The following CHSY1 variants were observed in gnomAD, a reference collection of about 807,000 sequenced individuals.
CHSY1 encodes the protein N-acetylgalactosaminyl-proteoglycan 3-beta-glucuronosyltransferase 1.
In CHSY1, 13 loss-of-function variants were observed where a neutral mutation model predicts 59.8. The observed-to-expected ratio is 0.22, with a 90% CI of 0.14 to 0.35. CHSY1 has a LOEUF of 0.35. Among genes scored for constraint, CHSY1 ranks in the 10% least tolerant of loss-of-function variants. The probability of loss-of-function intolerance (pLI) is 1.00; values close to 1 mark genes in which losing one functional copy is unlikely to be tolerated. For synonymous variants in CHSY1, 459 were observed against 401.2 expected, an observed-to-expected ratio of 1.14 and a Z score of -1.72; for missense variants, 947 against 1,030.6, an observed-to-expected ratio of 0.92 and a Z score of 1.11.
chr15:101,221,977 C>T (rs769258372), intron 2 of CHSY1, among the ~76,000 whole-genome samples: 11 of 151,956 alleles, frequency 7.2e-5, no homozygotes, highest in South Asian at 2.1e-4. Flanking sequence ...CAAGCCCGAG[C>T]GTTAAATTGC....
At chr15:101,212,634 G>A (rs539680159) in intron 2 of CHSY1, among the ~76,000 whole-genome samples, 2 of 152,298 alleles carry the variant, frequency 1.3e-5, no homozygotes, top group East Asian at 3.9e-4. Flanking sequence ...AGGACAGGAG[G>A]AACTTTCTGA....
rs559237965 is a variant in CHSY1, at chr15:101,234,966, A to C, written c.816+116T>G. On this transcript the variant is annotated intron_variant, in intron 2 of 2. Coordinates refer to ENST00000254190, the MANE Select transcript of CHSY1 (RefSeq NM_014918.5). ...AATCTAAGGCTAAAAATGTAGAATA[A>C]TACCAACTTCAACCCTCAAAGAGGA... is the stretch of plus-strand genomic sequence containing the variant. The C allele has an allele frequency of 1.6e-4, 223 of 1,359,780 alleles. No individual in the cohort carries two copies. In the South Asian group the frequency reaches 2.4e-3, roughly 15 times the overall value. 84.2% of individuals were successfully genotyped at this position (1,359,780 alleles called of 1,614,324 possible).
chr15:101,204,260 C>T (rs953355243), intron 2 of CHSY1, among the ~76,000 whole-genome samples: 4 of 151,946 alleles, frequency 2.6e-5, no homozygotes, highest in African/African-American at 4.8e-5. Flanking sequence ...ATGGCGAAAC[C>T]CCATCTCTAC....
chr15:101,241,487 A>G (rs983665706), intron 1 of CHSY1, among the ~76,000 whole-genome samples: 5 of 152,270 alleles, frequency 3.3e-5, no homozygotes, highest in African/African-American at 1.2e-4. Flanking sequence ...CTTTGAGGCT[A>G]ACAAGCAACC....
chr15:101,189,627 T>G, intron 2 of CHSY1: 2 of 209,936 alleles, frequency 9.5e-6, no homozygotes, highest in Non-Finnish European at 1.7e-5. Context: ...AAAAAAGAAA[T>G]ACAAGCCAAA....
chr15:101,209,479 G>A (rs571634227), intron 2 of CHSY1, among the ~76,000 whole-genome samples: 74 of 152,210 alleles, frequency 4.9e-4, no homozygotes, highest in African/African-American at 1.6e-3. Context: ...CCTGTATGCC[G>A]TGAAGCTTTT....
At chr15:101,203,261 C>T (rs1426535563) in intron 2 of CHSY1, among the ~76,000 whole-genome samples, 1 of 152,200 alleles carries the variant, frequency 6.6e-6, no homozygotes, top group Non-Finnish European at 1.5e-5. Flanking sequence ...TCCTGACAGG[C>T]ATGGACCTTC....
chr15:101,242,149 C>G, intron 1 of CHSY1, among the ~76,000 whole-genome samples: 1 of 151,460 alleles, frequency 6.6e-6, no homozygotes, highest in East Asian at 1.9e-4. Flanking sequence ...ACATTCTCCC[C>G]TGTTACAGAA....
Position 101,176,639 on chromosome 15 carries a change from C to T in CHSY1, c.*749G>A. The T allele has an allele frequency of 2.8e-6, 1 of 362,732 alleles. No homozygotes were observed. Among genetic ancestry groups the T allele is most frequent in the African/African-American group, 2.1e-5 (1 of 47,886 alleles). 22.5% of individuals were successfully genotyped at this position (362,732 alleles called of 1,614,324 possible). On this transcript the variant is annotated 3_prime_UTR_variant, in exon 3 of 3. Coordinates refer to ENST00000254190, the MANE Select transcript of CHSY1 (RefSeq NM_014918.5). The stretch of plus-strand genomic sequence containing the variant: ...TGAAACCCCGTCTCTACTAAAAATA[C>T]AAAAAAACTAGCTGGGCGTGGTGGT...
In CHSY1 at chr15:101,251,341, G is replaced by A. The variant is rs984895299; in HGVS notation, c.116C>T (p.Pro39Leu). 4.4e-6 allele frequency: 5 copies of A among 1,139,850 alleles called. 1 individual carries two copies. The highest frequency in any genetic ancestry group is 5.5e-6 in the Non-Finnish European group (5 of 914,758). The allele number at this position is 1,139,850 out of a possible 1,614,324, so 70.6% of individuals were successfully genotyped here. The change falls in exon 1 of 3, where the codon CCA becomes CTA. Residue 39 changes from proline (P) to leucine (L), a missense_variant. By Grantham distance (98) the Pro-to-Leu change is moderately conservative. Around this residue, in one of 4 missense-constraint regions of CHSY1, gnomAD observed 232 missense variants for 188.5 expected, o/e 1.23. Transcript: ENST00000254190. ...GCCCTCGGGGCTGGCGCGGCGCCGT[G>A]GGCCCGCTCGCTTCAGCTCGGAAGC... ...PRASELKRAG[P>L]RRRASPEGCR...
intron 1 of CHSY1, among the ~76,000 whole-genome samples, chr15:101,250,300 C>A (rs2039093838): frequency 6.6e-6 from 1 of 152,190 alleles, no homozygotes; most frequent in Non-Finnish European, 1.5e-5. Context: ...ATCCCTTTAT[C>A]GAGTCTACAA....
chr15:101,199,715 A>G (rs1177289195), intron 2 of CHSY1, among the ~76,000 whole-genome samples: 1 of 152,222 alleles, frequency 6.6e-6, no homozygotes, highest in Admixed American at 6.5e-5. Flanking sequence ...TTCAAGTTAG[A>G]TGAAAAACCT....
At chr15:101,217,997 A>C (rs779754629) in intron 2 of CHSY1, among the ~76,000 whole-genome samples, 1 of 152,240 alleles carries the variant, frequency 6.6e-6, no homozygotes, top group Non-Finnish European at 1.5e-5. Context: ...GACGGTACGT[A>C]CCCTTGATAT....
intron 2 of CHSY1, 92 bp downstream of exon 2, chr15:101,234,990 G>A: frequency 6.7e-7 from 1 of 1,503,416 alleles, no homozygotes. Flanking sequence ...CCTCAAAGAG[G>A]ATATCATCTC....
intron 2 of CHSY1, among the ~76,000 whole-genome samples, chr15:101,185,812 G>C (rs1438707271): frequency 1.3e-5 from 2 of 150,466 alleles, no homozygotes; most frequent in East Asian, 3.9e-4. Flanking sequence ...TATTTAAGAG[G>C]CATGCTGTGG....
chr15:101,197,724 C>T lies in CHSY1; in HGVS notation c.817-18744G>A, dbSNP rs138124548. The stretch of plus-strand genomic sequence containing the variant: ...AACCAAAACTACAAATACAGGTGAC[C>T]GATTCCTAAGAAGCCAGGATTCTTA... On this transcript the variant is annotated intron_variant, in intron 2 of 2. Coordinates refer to ENST00000254190, the MANE Select transcript of CHSY1 (RefSeq NM_014918.5). 2.9e-3 allele frequency among the ~76,000 whole-genome samples: 438 copies of T among 152,098 alleles called. 9 individuals carry two copies. The highest frequency in any genetic ancestry group is 9.7e-4 in the East Asian group (5 of 5,178).
chr15:101,249,985 TCA>T (rs2039090535), intron 1 of CHSY1, among the ~76,000 whole-genome samples: 1 of 152,196 alleles, frequency 6.6e-6, no homozygotes, highest in Admixed American at 6.5e-5. Context: ...ACCTTCTTTC[TCA>T]GTCCTTTACT....
At chr15:101,187,797 T>A (rs532548390) in intron 2 of CHSY1, 1 of 152,994 alleles carries the variant, frequency 6.5e-6, no homozygotes, top group Non-Finnish European at 1.5e-5. Flanking sequence ...CCCTTAATCT[T>A]TGTTATAAAA....
intron 2 of CHSY1, among the ~76,000 whole-genome samples, chr15:101,215,609 C>T (rs1435151049): frequency 1.3e-5 from 2 of 152,204 alleles, no homozygotes; most frequent in Non-Finnish European, 2.9e-5. Context: ...GTAGTGCATG[C>T]CTGTAGTCCC....
Sources: gnomAD v4.1 joint callset for allele counts (sites outside exome capture counted in the v4.1 genomes callset) on GRCh38, gnomAD v4.1.1 for gene constraint, gnomAD v4.1.1 regional missense constraint, MANE v1.5 for transcripts, NCBI Gene and HGNC (gene_info 2026-07-23, HGNC 2026-07-21) for gene names.